Variants in GRID1 observed in about 807,000 individuals in gnomAD.
The protein encoded by GRID1 is glutamate receptor ionotropic, delta-1.
Under a neutral mutation model 98.0 loss-of-function variants are expected in GRID1, and 28 were observed. The ratio of observed to expected loss-of-function variants is 0.29; its 90% CI spans 0.21 to 0.39. The LOEUF (loss-of-function observed/expected upper bound fraction) is 0.39, where lower values mean the gene tolerates loss of function less well. Ranked by LOEUF, GRID1 falls within the 10% of genes least tolerant of loss-of-function variation. The pLI is 1.00. For missense variants in GRID1, 1,111 were observed against 1,340.5 expected (o/e 0.83, Z 2.67); for synonymous variants, 553 against 538.5 (o/e 1.03, Z -0.37).
intron 8 of GRID1, among the ~76,000 whole-genome samples, chr10:85,746,919 T>C (rs1842002762): frequency 6.6e-6 from 1 of 152,232 alleles, no homozygotes; most frequent in Non-Finnish European, 1.5e-5. Flanking sequence ...TGCATTTGCC[T>C]TTATGCTCAT....
chr10:85,756,395 C>T (rs939192608), intron 8 of GRID1, among the ~76,000 whole-genome samples: 2 of 152,172 alleles, frequency 1.3e-5, no homozygotes, highest in African/African-American at 2.4e-5. Context: ...CTCTCTGTGG[C>T]ATATCTGAAT....
At chr10:85,899,867 C>A (rs1411375350) in intron 5 of GRID1, among the ~76,000 whole-genome samples, 2 of 152,180 alleles carry the variant, frequency 1.3e-5, no homozygotes, top group African/African-American at 2.4e-5. Flanking sequence ...GACAAGCTGG[C>A]CTCTAGGGCT....
At chr10:85,796,722 A>T (rs562352535) in intron 8 of GRID1, among the ~76,000 whole-genome samples, 1 of 152,280 alleles carries the variant, frequency 6.6e-6, no homozygotes, top group South Asian at 2.1e-4. Flanking sequence ...AGAGCAAATA[A>T]CCTTTCAGAA....
Position 85,785,802 on chromosome 10 carries a change from C to T in GRID1, c.1234-56188G>A, listed in dbSNP as rs111961505. Reference sequence around the variant, plus strand: ...GAACTTTATGTGACTCAGGATAAAACCAAAGACAGATTGGCTCTCCTCCAC... The same window carrying T: ...GAACTTTATGTGACTCAGGATAAAATCAAAGACAGATTGGCTCTCCTCCAC... On this transcript the variant is annotated intron_variant, in intron 8 of 15. Coordinates refer to ENST00000327946, the MANE Select transcript of GRID1 (RefSeq NM_017551.3). 6.5e-3 allele frequency among the ~76,000 whole-genome samples: 984 copies of T among 152,168 alleles called. 9 individuals carry two copies. The highest frequency in any genetic ancestry group is 0.021 in the African/African-American group (881 of 41,500).
chr10:85,659,640 G>A (rs1173872552), intron 12 of GRID1, among the ~76,000 whole-genome samples: 2 of 152,202 alleles, frequency 1.3e-5, no homozygotes, highest in Non-Finnish European at 1.5e-5. Flanking sequence ...GATGCTAGCC[G>A]TTCTGAATCA....
intron 10 of GRID1, 69 bp from the exon 11 acceptor site, chr10:85,724,745 G>A: frequency 7.7e-7 from 1 of 1,297,216 alleles, no homozygotes; most frequent in Non-Finnish European, 1.1e-6. Flanking sequence ...CCTGGGTCAA[G>A]GTCCACCCTC....
chr10:85,779,576 G>T (rs1453624395), intron 8 of GRID1, among the ~76,000 whole-genome samples: 2 of 152,136 alleles, frequency 1.3e-5, no homozygotes, highest in East Asian at 3.9e-4. Flanking sequence ...TCCCGGCCCA[G>T]GCTGGGCTTT....
At chr10:86,072,200 T>C (rs1308649146) in intron 4 of GRID1, among the ~76,000 whole-genome samples, 2 of 152,136 alleles carry the variant, frequency 1.3e-5, no homozygotes, top group African/African-American at 4.8e-5. Context: ...GACGTTCAAG[T>C]TTAAGGTAGT....
At chr10:85,700,330 G>T (rs1841437015) in intron 12 of GRID1, among the ~76,000 whole-genome samples, 1 of 152,156 alleles carries the variant, frequency 6.6e-6, no homozygotes, top group African/African-American at 2.4e-5. Context: ...AGAGAGAAAG[G>T]ATTTGAAACC....
intron 4 of GRID1, among the ~76,000 whole-genome samples, chr10:86,104,979 A>C (rs991298471): frequency 2.6e-5 from 4 of 152,226 alleles, no homozygotes; most frequent in Non-Finnish European, 5.9e-5. Context: ...ATGTGCCTCC[A>C]CTTGCTGTGG....
At chr10:86,121,283 C>A (rs1049076972) in intron 4 of GRID1, among the ~76,000 whole-genome samples, 2 of 150,772 alleles carry the variant, frequency 1.3e-5, no homozygotes, top group Non-Finnish European at 1.5e-5. Flanking sequence ...TCATTCTGCA[C>A]CTTAACAAAA....
At chr10:85,962,443 G>A (rs993750035) in intron 4 of GRID1, among the ~76,000 whole-genome samples, 5 of 152,168 alleles carry the variant, frequency 3.3e-5, no homozygotes, top group South Asian at 4.1e-4. Flanking sequence ...CCTGACAAAC[G>A]TTAGAACTGT....
intron 12 of GRID1, among the ~76,000 whole-genome samples, chr10:85,718,138 A>C (rs1417098847): frequency 6.6e-6 from 1 of 152,166 alleles, no homozygotes; most frequent in African/African-American, 2.4e-5. Context: ...TGTGGTCAGG[A>C]GGATGGTGGC....
chr10:85,691,979 C>A (rs2132611288), intron 12 of GRID1, among the ~76,000 whole-genome samples: 1 of 152,194 alleles, frequency 6.6e-6, no homozygotes, highest in Admixed American at 6.5e-5. Flanking sequence ...CTCGATAGTT[C>A]TACATCACAC....
rs952638892 is a variant in GRID1 at position 85,753,598 on chromosome 10, T to C, written c.1234-23984A>G. On this transcript the variant is annotated intron_variant, in intron 8 of 15. Coordinates refer to ENST00000327946, the MANE Select transcript of GRID1 (RefSeq NM_017551.3). ...TTGCTGGGGAGCCAATTCTAGACTT[T>C]ATCTGGTCTAAATTACTATAACTTC... 1.3e-4 allele frequency among the ~76,000 whole-genome samples: 20 copies of C among 152,332 alleles called. No individual in the cohort carries two copies. The East Asian group carries it at 3.7e-3, about 28-fold the overall frequency.
intron 2 of GRID1, among the ~76,000 whole-genome samples, chr10:86,236,886 A>T (rs554564219): frequency 4.6e-5 from 7 of 152,326 alleles, no homozygotes; most frequent in African/African-American, 1.4e-4. Flanking sequence ...GCAGGAGAGC[A>T]GAGAGCAGGA....
intron 2 of GRID1, among the ~76,000 whole-genome samples, chr10:86,357,399 G>A (rs1041665452): frequency 1.6e-4 from 25 of 152,206 alleles, no homozygotes; most frequent in African/African-American, 5.5e-4. Flanking sequence ...TCTCCCACAC[G>A]CCTGGCATAA....
At chr10:86,188,973 C>T (rs542026656) in intron 3 of GRID1, among the ~76,000 whole-genome samples, 116 of 152,112 alleles carry the variant, frequency 7.6e-4, no homozygotes, top group African/African-American at 2.6e-3. Context: ...AGCCCCACTC[C>T]GCCAGGCCCA....
chr10:86,300,321 A>T (rs945560348), intron 2 of GRID1, among the ~76,000 whole-genome samples: 9 of 151,508 alleles, frequency 5.9e-5, no homozygotes, highest in African/African-American at 2.2e-4. Context: ...AAACTAAAAC[A>T]GTGGGCTCGA....
Sources: allele counts gnomAD v4.1 joint callset (sites outside exome capture counted in the v4.1 genomes callset), GRCh38; gene constraint gnomAD v4.1.1; transcripts MANE v1.5; gene names NCBI Gene and HGNC (gene_info 2026-07-23, HGNC 2026-07-21).